The following PCDHGB2 variants were observed in gnomAD, a reference collection of about 807,000 sequenced individuals.
PCDHGB2 encodes the protein protocadherin gamma subfamily B, 2.
In PCDHGB2, 55 loss-of-function variants were observed where a neutral mutation model predicts 59.3. That is an observed-to-expected ratio of 0.93 (90% confidence interval 0.75 to 1.16). The LOEUF (loss-of-function observed/expected upper bound fraction) is 1.16, where lower values mean the gene tolerates loss of function less well. Among genes scored for constraint, PCDHGB2 ranks in the 50% most tolerant of loss-of-function variants. PCDHGB2 has a pLI of 0.00. For missense variants in PCDHGB2, 1,228 were observed against 1,198.5 expected (o/e 1.02, Z -0.36); for synonymous variants, 516 against 512.0 (o/e 1.01, Z -0.11).
intron 1 of PCDHGB2, among the ~76,000 whole-genome samples, chr5:141,425,819 A>C (rs1183860957): frequency 6.6e-6 from 1 of 152,246 alleles, no homozygotes; most frequent in Non-Finnish European, 1.5e-5. Flanking sequence ...TTAGAAAAAA[A>C]CAAACTTTTA....
chr5:141,477,804 A>G lies in PCDHGB2; in HGVS notation c.2422-17003A>G. The G allele has an allele frequency of 6.2e-7, 1 of 1,614,088 alleles. No individual in the cohort carries two copies. ...ATATTTGTCACTGATCGCAATGACA[A>G]TGCCCCCCAGGTCCTATATCCTCGG... On this transcript the variant is annotated intron_variant, in intron 1 of 3. Transcript: ENST00000522605. The surrounding 1 kb of genome is among the most constrained non-coding windows in gnomAD (Gnocchi z 4.9).
chr5:141,360,253 G>A lies in PCDHGB2; in HGVS notation c.118G>A (p.Glu40Lys). Residue 40 changes from glutamate to lysine, a missense_variant, in exon 1 of 4, where the codon GAG becomes AAG. Glu to Lys is a moderately conservative substitution (Grantham distance 56). Around this residue, in one of 3 missense-constraint regions of PCDHGB2, gnomAD observed 781 missense variants for 721.6 expected, o/e 1.08. Transcript: ENST00000522605. ...PVQIRYSIPE[E>K]LAKNSVVGNL... The stretch of plus-strand genomic sequence containing the variant: ...CCAGATCCGCTATTCAATTCCAGAG[G>A]AGCTGGCCAAAAACTCGGTCGTAGG... 1 of 1,613,900 alleles carries A rather than the reference G, an allele frequency of 6.2e-7. No homozygotes were observed. The highest frequency in any genetic ancestry group is 8.5e-7 in the Non-Finnish European group (1 of 1,179,880).
Position 141,420,946 on chromosome 5 carries a change from A to G in PCDHGB2, c.2421+58390A>G, listed in dbSNP as rs1561791007. 5 of 400,268 alleles carry G rather than the reference A, an allele frequency of 1.2e-5. No homozygotes were observed. In the East Asian group the frequency reaches 1.7e-4, roughly 14 times the overall value. The allele number at this position is 400,268 out of a possible 1,614,324, so 24.8% of individuals were successfully genotyped here. A position where few individuals can be genotyped will look rare whatever the true frequency, so the allele number is the denominator to read the frequency against. ...AGGTGAGCGTAATCATTTCTTCTGG[A>G]ATTTCTTAGTCGTTGCAATAATAAG... On this transcript the variant is annotated intron_variant, in intron 1 of 3. Coordinates refer to ENST00000522605, the MANE Select transcript of PCDHGB2 (RefSeq NM_018923.3).
chr5:141,461,230 G>T (rs945407206), intron 1 of PCDHGB2, among the ~76,000 whole-genome samples: 2 of 152,024 alleles, frequency 1.3e-5, no homozygotes, highest in African/African-American at 4.8e-5. Flanking sequence ...TTCCATAGAG[G>T]TTGTACTAAT....
At chr5:141,365,109 G>T in intron 1 of PCDHGB2, 1 of 1,613,846 alleles carries the variant, frequency 6.2e-7, no homozygotes, top group African/African-American at 1.3e-5. Flanking sequence ...GTGGGCACTC[G>T]GCTGCTCATG....
chr5:141,392,661 A>T, intron 1 of PCDHGB2: 1 of 803,300 alleles, frequency 1.2e-6, no homozygotes, highest in Non-Finnish European at 1.9e-6. Context: ...CAGATGCCAC[A>T]AACTAACTGC....
At chr5:141,441,279 C>T (rs3792898) in intron 1 of PCDHGB2, 17,193 of 152,116 alleles carry the variant, frequency 0.11, 1,155 homozygotes, top group African/African-American at 0.18. Context: ...CGGGAGAAAA[C>T]GAGGTCACAT....
At chr5:141,375,523 C>T (rs571977774) in intron 1 of PCDHGB2, 2 of 1,614,032 alleles carry the variant, frequency 1.2e-6, no homozygotes, top group Non-Finnish European at 1.7e-6. Flanking sequence ...TGGACCCTGA[C>T]GTGGACCAGA....
chr5:141,415,953 T>C, intron 1 of PCDHGB2: 3 of 486,080 alleles, frequency 6.2e-6, no homozygotes, highest in Non-Finnish European at 9.4e-6. Context: ...TGGTCACATA[T>C]TGAAACTCCA....
intron 1 of PCDHGB2, chr5:141,377,128 G>A (rs1175570742): frequency 6.6e-6 from 1 of 152,206 alleles, no homozygotes; most frequent in Admixed American, 6.5e-5. Context: ...TCTTAATTTT[G>A]TGGGGGAAAA....
Position 141,491,531 on chromosome 5 carries a change from T to G in PCDHGB2, c.2422-3276T>G, listed in dbSNP as rs532897059. On this transcript the variant is annotated intron_variant, in intron 1 of 3. Coordinates refer to ENST00000522605, the MANE Select transcript of PCDHGB2 (RefSeq NM_018923.3). This position sits in a 1 kb window ranked among gnomAD's most constrained non-coding sequence, Gnocchi z 6.9. ...ACGCTCAAGTACATGGAGGTGACGC[T>G]GCGGCCCACAGACTCGCAGAGCCAC... The G allele has an allele frequency of 6.2e-7, 1 of 1,614,044 alleles. No homozygotes were observed. The highest frequency in any genetic ancestry group is 1.7e-5 in the Admixed American group (1 of 60,028).
chr5:141,414,427 C>G lies in PCDHGB2; in HGVS notation c.2421+51871C>G, dbSNP rs766147938. The G allele has an allele frequency of 6.2e-6, 10 of 1,613,684 alleles. No individual in the cohort carries two copies. The highest frequency in any genetic ancestry group is 1.6e-4 in the Middle Eastern group (1 of 6,084). On this transcript the variant is annotated intron_variant, in intron 1 of 3. Coordinates refer to ENST00000522605, the MANE Select transcript of PCDHGB2 (RefSeq NM_018923.3). ...GATACACAGAGCCCTTGACAGGGAA[C>G]AGGTATCCTCTTACAATATCACAGT... is the stretch of plus-strand genomic sequence containing the variant.
intron 1 of PCDHGB2, chr5:141,382,748 C>T (rs753044238): frequency 2.3e-5 from 14 of 606,870 alleles, no homozygotes; most frequent in Non-Finnish European, 3.6e-5. Context: ...CGACAGATTG[C>T]GATAAGCCCT....
rs374154790 is a variant in PCDHGB2, at chr5:141,490,709, C to A, written c.2422-4098C>A. The A allele has an allele frequency of 3.2e-5, 52 of 1,614,218 alleles. No homozygotes were observed. In the African/African-American group the frequency reaches 6.3e-4, roughly 19 times the overall value. On this transcript the variant is annotated intron_variant, in intron 1 of 3. Coordinates refer to ENST00000522605, the MANE Select transcript of PCDHGB2 (RefSeq NM_018923.3). The surrounding 1 kb of genome is among the most constrained non-coding windows in gnomAD (Gnocchi z 5.4). ...GACACTGGGGATAATGCCCGCCTCA[C>A]CTACTCCATTGTAGGAAATCAGGTT...
intron 1 of PCDHGB2, chr5:141,372,620 C>T: frequency 6.2e-7 from 1 of 1,613,992 alleles, no homozygotes. Flanking sequence ...TTCTCCCCAC[C>T]TACAGCGAAA....
intron 1 of PCDHGB2, among the ~76,000 whole-genome samples, chr5:141,368,118 A>C (rs896059920): frequency 6.6e-6 from 1 of 152,226 alleles, no homozygotes; most frequent in Non-Finnish European, 1.5e-5. Context: ...TCTTATTAAA[A>C]TATTCTTAAT....
chr5:141,423,004 G>T lies in PCDHGB2; in HGVS notation c.2421+60448G>T, dbSNP rs1206727312. 2 of 1,614,116 alleles carry T rather than the reference G, an allele frequency of 1.2e-6. No individual in the cohort carries two copies. Among genetic ancestry groups the T allele is most frequent in the African/African-American group, 1.3e-5 (1 of 74,958 alleles). ...ACCTGGCTACCTGGTGACCAAGGTG[G>T]TTGCGGTGGACAAAGATTCAGGCCA... On this transcript the variant is annotated intron_variant, in intron 1 of 3. Transcript: ENST00000522605.
At chr5:141,370,557 G>A (rs1439774902) in intron 1 of PCDHGB2, 1 of 1,613,966 alleles carries the variant, frequency 6.2e-7, no homozygotes, top group East Asian at 2.2e-5. Context: ...CAAGGACCTG[G>A]GGTTTGGCGT....
intron 1 of PCDHGB2, chr5:141,394,258 A>T: frequency 6.2e-7 from 1 of 1,613,912 alleles, no homozygotes; most frequent in Non-Finnish European, 8.5e-7. Context: ...CCCGACAGCC[A>T]GGAGAATGCC....
Sources: allele counts gnomAD v4.1 joint callset (sites outside exome capture counted in the v4.1 genomes callset), GRCh38; gene constraint gnomAD v4.1.1; regional missense constraint gnomAD v4.1.1; non-coding constraint Gnocchi (gnomAD v3.1); transcripts MANE v1.5; gene names NCBI Gene and HGNC (gene_info 2026-07-23, HGNC 2026-07-21).